Variants in NBPF15 observed in about 807,000 individuals in gnomAD.
NBPF15 encodes NBPF member 15.
In NBPF15, 74 loss-of-function variants were observed where a neutral mutation model predicts 62.2. The ratio of observed to expected loss-of-function variants is 1.19; its 90% CI spans 0.99 to 1.44. NBPF15 has a LOEUF of 1.44. Ranked by LOEUF, NBPF15 falls within the 40% of genes most tolerant of loss-of-function variation. The probability of loss-of-function intolerance (pLI) is 0.00; values close to 1 mark genes in which losing one functional copy is unlikely to be tolerated. For synonymous variants in NBPF15, 244 were observed against 209.7 expected, an observed-to-expected ratio of 1.16 and a Z score of -1.41; for missense variants, 790 against 550.0, an observed-to-expected ratio of 1.44 and a Z score of -4.36.
In NBPF15 at chr1:144,427,987, G is replaced by A; in HGVS notation, c.1044C>T (p.Leu348=). 1.3e-6 allele frequency: 1 copy of A among 754,878 alleles called. No individual in the cohort carries two copies. Among genetic ancestry groups the A allele is most frequent in the Non-Finnish European group, 2.5e-6 (1 of 406,788 alleles). 46.8% of individuals were successfully genotyped at this position (754,878 alleles called of 1,614,324 possible). Residue 348 remains leucine (L), a synonymous_variant, in exon 16 of 22, where the codon CTC becomes CTT. Coordinates refer to ENST00000581897, the MANE Select transcript of NBPF15 (RefSeq NM_001385408.1). The stretch of plus-strand genomic sequence containing the variant: ...CTTTCTCATCCAGCAGCTCCCTGCT[G>A]AGCCTGGAAAAGTGGGAAAAAGTAA... The part of the protein sequence containing the change: ...KEDQEATGPR[L]SRELLDEKEP...
At chr1:144,459,199 A>G (rs1650529264) in intron 3 of NBPF15, among the ~76,000 whole-genome samples, 167 bp downstream of exon 3, 2 of 152,042 alleles carry the variant, frequency 1.3e-5, no homozygotes, top group African/African-American at 4.8e-5. Flanking sequence ...CATTAAAATT[A>G]AGAATCTCAG....
At chr1:144,455,439 G>A (rs57061073) in intron 4 of NBPF15, among the ~76,000 whole-genome samples, 6 of 152,068 alleles carry the variant, frequency 3.9e-5, no homozygotes, top group Admixed American at 2.6e-4. Context: ...GTTTCCACGG[G>A]GTACAACCCC....
intron 6 of NBPF15, among the ~76,000 whole-genome samples, chr1:144,444,368 G>A (rs1685744055): frequency 6.6e-6 from 1 of 151,326 alleles, no homozygotes; most frequent in South Asian, 2.1e-4. Context: ...CTTAAAGCAT[G>A]ACGAAATAAC....
intron 6 of NBPF15, among the ~76,000 whole-genome samples, chr1:144,441,481 A>G (rs2102278175): frequency 6.7e-6 from 1 of 149,590 alleles, no homozygotes; most frequent in East Asian, 2.0e-4. Context: ...CTGTTTGTCA[A>G]TTTCTTTGTA....
At chr1:144,443,383 G>A (rs1443454737) in intron 6 of NBPF15, among the ~76,000 whole-genome samples, 1 of 151,772 alleles carries the variant, frequency 6.6e-6, no homozygotes, top group Non-Finnish European at 1.5e-5. Context: ...TTGAAATCTA[G>A]CAGAGTAAGT....
intron 16 of NBPF15, 128 bp from the exon 17 acceptor site, chr1:144,427,226 T>A: frequency 1.5e-6 from 1 of 685,118 alleles, no homozygotes. Flanking sequence ...GTGAGAGATA[T>A]TCTTCAAGAG....
intron 4 of NBPF15, among the ~76,000 whole-genome samples, chr1:144,456,197 G>A (rs1172320528): frequency 6.7e-6 from 1 of 150,052 alleles, no homozygotes; most frequent in African/African-American, 2.5e-5. Flanking sequence ...GGGACGGCAG[G>A]GTGGAAACAA....
intron 6 of NBPF15, among the ~76,000 whole-genome samples, chr1:144,446,026 T>C (rs1282972585): frequency 8.7e-5 from 13 of 149,592 alleles, no homozygotes; most frequent in Non-Finnish European, 1.3e-4. Context: ...TAGCTAATTT[T>C]TTGTATTTTT....
intron 6 of NBPF15, among the ~76,000 whole-genome samples, chr1:144,442,198 TATATATTATTA>T (rs1683764097): frequency 9.1e-5 from 10 of 110,212 alleles, no homozygotes; most frequent in African/African-American, 3.3e-4. Flanking sequence ...TACACGTGTA[TATATATTATTA>T]ATATATATAA....
rs1431618549 is a variant in NBPF15 at position 144,425,719 on chromosome 1, G to A, written c.1439-151C>T. 1.7e-4 allele frequency among the ~76,000 whole-genome samples: 11 copies of A among 62,880 alleles called. No homozygotes were observed. The South Asian group carries it at 8.6e-3, about 49-fold the overall frequency. The allele number at this position is 62,880 out of a possible 152,430, so 41.3% of individuals were successfully genotyped here. On this transcript the variant is annotated intron_variant, in intron 18 of 21. Transcript: ENST00000581897. The stretch of plus-strand genomic sequence containing the variant: ...GATACTTCAGGAGGCCTGAAAGCTG[G>A]TCATGATATTCTTTGGTTTGCATCT...
At chr1:144,447,201 C>T (rs1458212930) in intron 6 of NBPF15, among the ~76,000 whole-genome samples, 6 of 152,282 alleles carry the variant, frequency 3.9e-5, no homozygotes, top group African/African-American at 9.6e-5. Context: ...CTCCAGCCTG[C>T]AGAGGAGAGG....
intron 4 of NBPF15, among the ~76,000 whole-genome samples, chr1:144,455,002 A>T (rs1190293014): frequency 1.3e-5 from 2 of 151,668 alleles, no homozygotes; most frequent in African/African-American, 4.9e-5. Context: ...AAGTAGAACA[A>T]AAAGGAAAGA....
Position 144,423,908 on chromosome 1 carries a change from T to A in NBPF15, c.1731A>T (p.Gly577=). Residue 577 remains glycine, a synonymous_variant, in exon 21 of 22, where the codon GGA becomes GGT. Coordinates refer to ENST00000581897, the MANE Select transcript of NBPF15 (RefSeq NM_001385408.1). The part of the protein sequence containing the change: ...GRRSKKKRRR[G]RKEGEDDNPP... Reference sequence around the variant, plus strand: ...GGTTGTCATCTTCCCCTTCTTTTCTTCCCCTTCTTCTTTTCTTCTTTGATC... The same window carrying A: ...GGTTGTCATCTTCCCCTTCTTTTCTACCCCTTCTTCTTTTCTTCTTTGATC... The A allele has an allele frequency of 1.3e-6, 1 of 792,374 alleles. No homozygotes were observed. The highest frequency in any genetic ancestry group is 2.3e-6 in the Non-Finnish European group (1 of 442,718). 49.1% of individuals were successfully genotyped at this position (792,374 alleles called of 1,614,324 possible).
In NBPF15 at chr1:144,422,861, C is replaced by A. The variant is rs1666654490; in HGVS notation, c.*152G>T. The A allele has an allele frequency of 6.4e-7, 1 of 1,568,054 alleles. No homozygotes were observed. The highest frequency in any genetic ancestry group is 2.4e-4 in the Middle Eastern group (1 of 4,206). On this transcript the variant is annotated 3_prime_UTR_variant, in exon 22 of 22. Coordinates refer to ENST00000581897, the MANE Select transcript of NBPF15 (RefSeq NM_001385408.1). ...TTGTCTTCAGATTGAGCACAGGTTG[C>A]CAATGGCATGGTTTGAGAATAGGAA... is the stretch of plus-strand genomic sequence containing the variant.
Position 144,440,157 on chromosome 1 carries a change from A to T in NBPF15, c.-52T>A. ...TTAACTTACTGTTGTCAAAAATGTG[A>T]TCACTCCCCACAGCACTTTAGGATC... is the stretch of plus-strand genomic sequence containing the variant. On this transcript the variant is annotated 5_prime_UTR_variant, in exon 7 of 22. Coordinates refer to ENST00000581897, the MANE Select transcript of NBPF15 (RefSeq NM_001385408.1). 3.8e-6 allele frequency: 6 copies of T among 1,575,562 alleles called. No homozygotes were observed. Among genetic ancestry groups the T allele is most frequent in the Non-Finnish European group, 4.3e-6 (5 of 1,155,050 alleles).
intron 4 of NBPF15, among the ~76,000 whole-genome samples, chr1:144,453,205 C>T (rs1160178666): frequency 1.3e-5 from 2 of 149,956 alleles, no homozygotes; most frequent in Non-Finnish European, 3.0e-5. Context: ...CACTGATCTT[C>T]CATGGAGGTT....
chr1:144,457,536 T>C (rs1266217469), intron 3 of NBPF15, among the ~76,000 whole-genome samples: 2 of 152,072 alleles, frequency 1.3e-5, no homozygotes, highest in Non-Finnish European at 2.9e-5. Context: ...TGGAGATTGT[T>C]GAATATGGTA....
chr1:144,428,178 G>GACACACACACAC (rs782021320), intron 15 of NBPF15, among the ~76,000 whole-genome samples, 188 bp from the exon 16 acceptor site: 180 of 132,238 alleles, frequency 1.4e-3, no homozygotes, highest in African/African-American at 4.9e-3. Flanking sequence ...GAAAGAGAAA[G>GACACACACACAC]ACACACACAC....
At chr1:144,433,169 A>G (rs2101938731) in intron 13 of NBPF15, among the ~76,000 whole-genome samples, 1 of 152,184 alleles carries the variant, frequency 6.6e-6, no homozygotes, top group African/African-American at 2.4e-5. Context: ...GCACAACTAC[A>G]TGGAAACTCA....
Sources: gnomAD v4.1 joint callset for allele counts (sites outside exome capture counted in the v4.1 genomes callset) on GRCh38, gnomAD v4.1.1 for gene constraint, MANE v1.5 for transcripts, NCBI Gene and HGNC (gene_info 2026-07-23, HGNC 2026-07-21) for gene names.